COL26A1: variants seen among roughly 807,000 people sequenced by gnomAD.
The protein encoded by COL26A1 is collagen alpha-1(XXVI) chain.
A neutral mutation model predicts 59.3 loss-of-function variants in COL26A1; 41 were observed. The observed-to-expected ratio is 0.69, with a 90% confidence interval of 0.54 to 0.90. COL26A1 has a LOEUF of 0.90. COL26A1 is among the 40% of genes least tolerant of loss of function. The pLI is 0.00. For synonymous variants in COL26A1, 266 were observed against 256.0 expected (o/e 1.04, Z -0.37); for missense variants, 612 against 602.3 (o/e 1.02, Z -0.17).
At chr7:101,397,127 G>A (rs1791873797) in intron 1 of COL26A1, among the ~76,000 whole-genome samples, 1 of 152,150 alleles carries the variant, frequency 6.6e-6, no homozygotes, top group Admixed American at 6.5e-5. Context: ...TCCCTCCCCG[G>A]CAGAACCAGA....
rs10565419 is a variant in COL26A1, at chr7:101,428,357, CAAAAAA to C, written c.281+8269_281+8274del. On this transcript the variant is annotated intron_variant, in intron 2 of 12. Transcript: ENST00000313669. Reference sequence around the variant, plus strand: ...TGGGCAACACAGTGAGACCCTGTCTCAAAAAAAAAAAAAAAAGGCAAAGAGAATGAT... The same window carrying C: ...TGGGCAACACAGTGAGACCCTGTCTCAAAAAAAAAAGGCAAAGAGAATGAT... 3.5e-3 allele frequency among the ~76,000 whole-genome samples: 454 copies of C among 130,626 alleles called. 1 individual carries two copies. The highest frequency in any genetic ancestry group is 6.7e-3 in the South Asian group (27 of 4,040). 85.7% of individuals were successfully genotyped at this position (130,626 alleles called of 152,430 possible). A position where few individuals can be genotyped will look rare whatever the true frequency, so the allele number is the denominator to read the frequency against.
intron 3 of COL26A1, among the ~76,000 whole-genome samples, chr7:101,453,970 T>C (rs1174072297): frequency 6.6e-6 from 1 of 152,072 alleles, no homozygotes; most frequent in African/African-American, 2.4e-5. Context: ...GGAGTGCAGG[T>C]CTAAGGTTTG....
chr7:101,415,256 G>C (rs558979174), intron 1 of COL26A1, among the ~76,000 whole-genome samples: 3 of 151,088 alleles, frequency 2.0e-5, no homozygotes, highest in Non-Finnish European at 2.9e-5. Context: ...AGGTTCAAGC[G>C]ACTCTTCTGC....
chr7:101,530,081 AGAT>A (rs1265307354), intron 3 of COL26A1, among the ~76,000 whole-genome samples: 1 of 152,152 alleles, frequency 6.6e-6, no homozygotes, highest in African/African-American at 2.4e-5. Context: ...GGAGGTGGAC[AGAT>A]GGGGAGCAGG....
intron 3 of COL26A1, among the ~76,000 whole-genome samples, chr7:101,450,885 A>G (rs1036972953): frequency 1.4e-5 from 2 of 146,712 alleles, no homozygotes; most frequent in East Asian, 2.0e-4. Context: ...TTCTATATGG[A>G]TATTGAATGC....
At position 101,467,595 on chromosome 7, in the gene COL26A1, C is replaced by T. The variant is rs1384544039; in HGVS notation, c.385+19808C>T. Among the ~76,000 whole-genome samples the T allele has an allele frequency of 1.3e-4, 20 of 151,650 alleles. 1 individual carries two copies. The highest frequency in any genetic ancestry group is 2.7e-4 in the Non-Finnish European group (18 of 67,756). ...AGAAAAGGGAAGATGGGGCCGGGCG[C>T]GGTGGCTCACGCCTGTAATCCCAGC... On this transcript the variant is annotated intron_variant, in intron 3 of 12. Coordinates refer to ENST00000313669, the MANE Select transcript of COL26A1 (RefSeq NM_001278563.3).
chr7:101,465,687 G>C (rs1399840750), intron 3 of COL26A1, among the ~76,000 whole-genome samples: 4 of 110,292 alleles, frequency 3.6e-5, no homozygotes, highest in Non-Finnish European at 7.0e-5. Flanking sequence ...AAGTGAAACT[G>C]TCTCAAAAAA....
At chr7:101,372,107 C>T (rs1178942217) in intron 1 of COL26A1, among the ~76,000 whole-genome samples, 2 of 152,156 alleles carry the variant, frequency 1.3e-5, no homozygotes, top group African/African-American at 2.4e-5. Context: ...ATATGCCTTG[C>T]AAAGGTTGCA....
At chr7:101,422,384 A>AT (rs1346205967) in intron 2 of COL26A1, among the ~76,000 whole-genome samples, 1 of 151,726 alleles carries the variant, frequency 6.6e-6, no homozygotes, top group Non-Finnish European at 1.5e-5. Context: ...AAAAAAAAAA[A>AT]AAAAAAAAAA....
chr7:101,555,194 C>A (rs1295701575), intron 11 of COL26A1, among the ~76,000 whole-genome samples: 1 of 152,124 alleles, frequency 6.6e-6, no homozygotes, highest in Non-Finnish European at 1.5e-5. Context: ...GCACAAGGTC[C>A]TCTGCTTGTG....
intron 3 of COL26A1, among the ~76,000 whole-genome samples, chr7:101,480,675 G>T (rs1794137181): frequency 6.6e-6 from 1 of 151,876 alleles, no homozygotes; most frequent in Non-Finnish European, 1.5e-5. Context: ...TTTTTGGGGG[G>T]TATTTTTTGT....
At chr7:101,481,841 T>C (rs1407812340) in intron 3 of COL26A1, among the ~76,000 whole-genome samples, 1 of 152,148 alleles carries the variant, frequency 6.6e-6, no homozygotes, top group Non-Finnish European at 1.5e-5. Flanking sequence ...AAGAGGTATC[T>C]TTTTAACCTT....
rs994913436 is a variant in COL26A1, at chr7:101,533,233, G to A, written c.447+90G>A. On this transcript the variant is annotated intron_variant, in intron 4 of 12. Coordinates refer to ENST00000313669, the MANE Select transcript of COL26A1 (RefSeq NM_001278563.3). ...CATCAGGCAACCACTGGGTGTGGCC[G>A]TGGAATTCCCAGCCCCGGGTTTCCA... The A allele has an allele frequency of 6.7e-5, 64 of 949,682 alleles. No homozygotes were observed. In the African/African-American group the frequency reaches 8.1e-4, roughly 12 times the overall value. The allele number at this position is 949,682 out of a possible 1,614,324, so 58.8% of individuals were successfully genotyped here.
chr7:101,445,119 G>A (rs979584848), intron 2 of COL26A1, among the ~76,000 whole-genome samples: 1 of 151,982 alleles, frequency 6.6e-6, no homozygotes, highest in African/African-American at 2.4e-5. Context: ...GGGATTACAG[G>A]CGTGAGCCAC....
intron 3 of COL26A1, among the ~76,000 whole-genome samples, chr7:101,483,899 C>G (rs906013544): frequency 6.6e-6 from 1 of 152,034 alleles, no homozygotes; most frequent in Non-Finnish European, 1.5e-5. Context: ...TGGGCTCAAA[C>G]TCCTGACCTT....
chr7:101,534,709 G>A (rs1478528938), intron 4 of COL26A1, among the ~76,000 whole-genome samples: 3 of 151,880 alleles, frequency 2.0e-5, no homozygotes. Flanking sequence ...AACACACACA[G>A]CCCTTGACAA....
chr7:101,469,554 A>G (rs1209743040), intron 3 of COL26A1, among the ~76,000 whole-genome samples: 1 of 150,486 alleles, frequency 6.6e-6, no homozygotes, highest in Non-Finnish European at 1.5e-5. Flanking sequence ...CAGTGGCACG[A>G]TCTTAGCTCA....
chr7:101,402,307 A>G (rs1478660002), intron 1 of COL26A1, among the ~76,000 whole-genome samples: 1 of 152,102 alleles, frequency 6.6e-6, no homozygotes, highest in African/African-American at 2.4e-5. Flanking sequence ...TTCCCCCCCA[A>G]GTGAACACTG....
chr7:101,387,766 A>ATTTTTTTTTTTTTTTTTT (rs1443633156), intron 1 of COL26A1, among the ~76,000 whole-genome samples: 1 of 38,744 alleles, frequency 2.6e-5, no homozygotes, highest in Non-Finnish European at 6.1e-5. Context: ...ATATATATAT[A>ATTTTTTTTTTTTTTTTTT]TATATATATA....
Sources: gnomAD v4.1 joint callset for allele counts (sites outside exome capture counted in the v4.1 genomes callset) on GRCh38, gnomAD v4.1.1 for gene constraint, MANE v1.5 for transcripts, NCBI Gene and HGNC (gene_info 2026-07-23, HGNC 2026-07-21) for gene names.